CYB5R4: variants seen among roughly 807,000 people sequenced by gnomAD.
CYB5R4 encodes the protein cytochrome b5 reductase 4.
CYB5R4 carries 55 observed loss-of-function variants against 70.2 expected under a neutral mutation model. That is an observed-to-expected ratio of 0.78 (90% CI 0.63 to 0.98). CYB5R4 has a LOEUF of 0.98. Ranked by LOEUF, CYB5R4 falls within the 50% of genes least tolerant of loss-of-function variation. The probability of loss-of-function intolerance (pLI) is 0.00; values close to 1 mark genes in which losing one functional copy is unlikely to be tolerated. For missense variants in CYB5R4, 562 were observed against 612.6 expected, an observed-to-expected ratio of 0.92 and a Z score of 0.87; for synonymous variants, 197 against 199.5, an observed-to-expected ratio of 0.99 and a Z score of 0.11.
intron 5 of CYB5R4, among the ~76,000 whole-genome samples, chr6:83,916,688 T>G (rs1171899573): frequency 6.6e-6 from 1 of 152,056 alleles, no homozygotes; most frequent in East Asian, 1.9e-4. Context: ...GCTGAATGAG[T>G]AAGGCCTGGA....
intron 2 of CYB5R4, among the ~76,000 whole-genome samples, chr6:83,877,016 A>G (rs773737790): frequency 2.0e-5 from 3 of 152,092 alleles, no homozygotes; most frequent in Non-Finnish European, 4.4e-5. Context: ...TATTTTTAGT[A>G]GAGATGGGTT....
intron 14 of CYB5R4, among the ~76,000 whole-genome samples, chr6:83,946,394 C>G (rs1379226263): frequency 6.6e-6 from 1 of 151,130 alleles, no homozygotes; most frequent in Non-Finnish European, 1.5e-5. Context: ...TAAAAACACT[C>G]AAACTAGGTA....
chr6:83,907,748 G>A (rs2099464031), intron 3 of CYB5R4, among the ~76,000 whole-genome samples: 1 of 152,106 alleles, frequency 6.6e-6, no homozygotes, highest in Admixed American at 6.6e-5. Context: ...CTGTTTCTGT[G>A]TTAGTTTACT....
intron 2 of CYB5R4, among the ~76,000 whole-genome samples, chr6:83,875,807 G>A (rs1265854598): frequency 1.3e-5 from 2 of 152,146 alleles, no homozygotes; most frequent in Non-Finnish European, 2.9e-5. Flanking sequence ...AGAAAAATTA[G>A]GAATGCCTTT....
intron 10 of CYB5R4, among the ~76,000 whole-genome samples, chr6:83,927,390 G>A (rs2099467469): frequency 1.3e-5 from 2 of 152,040 alleles, no homozygotes; most frequent in South Asian, 4.2e-4. Flanking sequence ...CAGGTTAAGG[G>A]CTTAGTCCCA....
At chr6:83,915,517 A>C (rs969101145) in intron 5 of CYB5R4, among the ~76,000 whole-genome samples, 2 of 152,166 alleles carry the variant, frequency 1.3e-5, no homozygotes, top group Non-Finnish European at 2.9e-5. Flanking sequence ...TTAATGATTG[A>C]TTACCGATAG....
intron 3 of CYB5R4, among the ~76,000 whole-genome samples, chr6:83,905,251 T>A (rs2099463580): frequency 6.6e-6 from 1 of 152,224 alleles, no homozygotes; most frequent in South Asian, 2.1e-4. Flanking sequence ...GAGATGGGGT[T>A]TCACCATGTT....
Position 83,919,420 on chromosome 6 carries a change from CT to C in CYB5R4, c.533del (p.Leu178Ter). On this transcript the variant is annotated frameshift_variant, in exon 7 of 16. Transcript: ENST00000369681. LOFTEE classifies it high-confidence loss of function. ...YPSYDWFQTD[S>X]LVTIAIYTKQ... is the part of the protein sequence containing the mutation. ...AGCTATGATTGGTTCCAAACAGACT[CT>C]TTAGTCACCATTGCCATATATACTA... 1.3e-6 allele frequency: 2 copies of C among 1,521,518 alleles called. No homozygotes were observed. Among genetic ancestry groups the C allele is most frequent in the Non-Finnish European group, 1.8e-6 (2 of 1,116,062 alleles). The allele number at this position is 1,521,518 out of a possible 1,614,324, so 94.3% of individuals were successfully genotyped here. A position where few individuals can be genotyped will look rare whatever the true frequency, so the allele number is the denominator to read the frequency against.
rs561616640 is a variant in CYB5R4 at position 83,964,999 on chromosome 6, C to T, written c.*5121C>T. 6.6e-6 allele frequency: 1 copy of T among 152,366 alleles called. No homozygotes were observed. The highest frequency in any genetic ancestry group is 6.5e-5 in the Admixed American group (1 of 15,304). 9.4% of individuals were successfully genotyped at this position (152,366 alleles called of 1,614,324 possible). ...AGAAATGGGGTTTGGGAACCTCTGT[C>T]TAGATTTCAGAAGATGTATGGAAAT... On this transcript the variant is annotated 3_prime_UTR_variant, in exon 16 of 16. Transcript: ENST00000369681.
chr6:83,936,079 A>G, intron 11 of CYB5R4, 145 bp from the exon 12 acceptor site: 1 of 580,538 alleles, frequency 1.7e-6, no homozygotes, highest in African/African-American at 1.9e-5. Context: ...TACTATATAC[A>G]TATAGAAAAA....
chr6:83,916,645 G>T (rs1321128224), intron 5 of CYB5R4, among the ~76,000 whole-genome samples: 1 of 152,132 alleles, frequency 6.6e-6, no homozygotes. Context: ...TTTGAAAATA[G>T]TGTTCTGCAG....
At chr6:83,902,710 T>C (rs1198680253) in intron 3 of CYB5R4, among the ~76,000 whole-genome samples, 1 of 152,128 alleles carries the variant, frequency 6.6e-6, no homozygotes, top group Non-Finnish European at 1.5e-5. Flanking sequence ...CTTTCATCAA[T>C]GTTCTGTAGT....
At chr6:83,952,821 T>C (rs1175491334) in intron 14 of CYB5R4, among the ~76,000 whole-genome samples, 1 of 152,190 alleles carries the variant, frequency 6.6e-6, no homozygotes, top group Non-Finnish European at 1.5e-5. Flanking sequence ...CTGTGGCTCA[T>C]CTCCCTGTAG....
intron 2 of CYB5R4, among the ~76,000 whole-genome samples, chr6:83,865,858 C>G (rs1440670066): frequency 3.3e-5 from 5 of 152,122 alleles, no homozygotes; most frequent in Non-Finnish European, 7.4e-5. Flanking sequence ...AGGTGTTCAG[C>G]TCCCCAAAGT....
At chr6:83,940,641 C>CCTGG in intron 14 of CYB5R4, 40 bp downstream of exon 14, 1 of 1,572,678 alleles carries the variant, frequency 6.4e-7, no homozygotes, top group Non-Finnish European at 8.6e-7. Context: ...GTTATTTATA[C>CCTGG]CTGGGTAGTA....
intron 4 of CYB5R4, among the ~76,000 whole-genome samples, chr6:83,913,176 T>G (rs1430560184): frequency 2.0e-5 from 3 of 152,086 alleles, no homozygotes; most frequent in Admixed American, 2.0e-4. Flanking sequence ...CAAAGACAGA[T>G]AAAACTGACT....
chr6:83,884,366 T>C (rs372197953), intron 2 of CYB5R4, among the ~76,000 whole-genome samples: 1 of 152,002 alleles, frequency 6.6e-6, no homozygotes, highest in East Asian at 1.9e-4. Context: ...AGCTAGTAAA[T>C]TTTATTATTG....
chr6:83,886,769 C>G (rs1035497235), intron 2 of CYB5R4, among the ~76,000 whole-genome samples: 6 of 152,118 alleles, frequency 3.9e-5, no homozygotes, highest in African/African-American at 1.4e-4. Context: ...AATGAGCTAG[C>G]AAGTCTTCTT....
At chr6:83,871,751 CATTT>C (rs747614678) in intron 2 of CYB5R4, among the ~76,000 whole-genome samples, 103 of 152,144 alleles carry the variant, frequency 6.8e-4, no homozygotes, top group Admixed American at 2.2e-3. Flanking sequence ...AATTTTATCT[CATTT>C]AATATATTGG....
Sources: gnomAD v4.1 joint callset for allele counts (sites outside exome capture counted in the v4.1 genomes callset) on GRCh38, gnomAD v4.1.1 for gene constraint, MANE v1.5 for transcripts, NCBI Gene and HGNC (gene_info 2026-07-23, HGNC 2026-07-21) for gene names.